The following OTOG variants were observed in gnomAD, a reference collection of about 807,000 sequenced individuals.
OTOG encodes otogelin.
A neutral mutation model predicts 313.8 loss-of-function variants in OTOG; 296 were observed. The ratio of observed to expected loss-of-function variants is 0.94; its 90% CI spans 0.86 to 1.04. The LOEUF (loss-of-function observed/expected upper bound fraction) is 1.04, where lower values mean the gene tolerates loss of function less well. Among genes scored for constraint, OTOG ranks in the 50% least tolerant of loss-of-function variants. The probability of loss-of-function intolerance (pLI) is 0.00; values close to 1 mark genes in which losing one functional copy is unlikely to be tolerated. For synonymous variants in OTOG, 1,533 were observed against 1,554.9 expected (o/e 0.99, Z 0.33); for missense variants, 3,948 against 3,840.1 (o/e 1.03, Z -0.74).
chr11:17,619,871 C>T (rs1853820126), intron 39 of OTOG, among the ~76,000 whole-genome samples: 1 of 152,102 alleles, frequency 6.6e-6, no homozygotes. Context: ...TCTAGATTTG[C>T]ATCTGGTATC....
At chr11:17,595,954 C>T (rs777605654) in intron 28 of OTOG, 84 bp from the exon 29 acceptor site, 23 of 910,662 alleles carry the variant, frequency 2.5e-5, no homozygotes, top group South Asian at 1.3e-4. Flanking sequence ...AGGATCATGG[C>T]GGCCACCCTA....
chr11:17,588,063 C>T lies in OTOG; in HGVS notation c.2867+1482C>T, dbSNP rs142286259. 1.6e-3 allele frequency among the ~76,000 whole-genome samples: 241 copies of T among 152,184 alleles called. 3 individuals carry two copies. The Middle Eastern group carries it at 0.017, about 11-fold the overall frequency. ...GTGGTAAGGAGTCTGGAGCCAAGGC[C>T]GAAGAGCTGGGATTATTTAGGATTT... On this transcript the variant is annotated intron_variant, in intron 24 of 55. Coordinates refer to ENST00000399397, the MANE Select transcript of OTOG (RefSeq NM_001292063.2).
chr11:17,605,740 G>C (rs1853367309), intron 32 of OTOG, 117 bp from the exon 33 acceptor site: 1 of 1,144,166 alleles, frequency 8.7e-7, no homozygotes, highest in African/African-American at 1.6e-5. Context: ...GGGCCTGCTG[G>C]TCTGCAGGCG....
In OTOG at chr11:17,562,044, AAAATAT is replaced by A. The variant is rs1466095549; in HGVS notation, c.1644+239_1644+244del. On this transcript the variant is annotated intron_variant, in intron 15 of 55. Coordinates refer to ENST00000399397, the MANE Select transcript of OTOG (RefSeq NM_001292063.2). ...TTTTAGGATTTTACTACCTAAAAAA[AAAATAT>A]ATATATATATATATATATATATGTA... Among the ~76,000 whole-genome samples, 135 of 125,004 alleles carry A rather than the reference AAAATAT, an allele frequency of 1.1e-3. 1 individual carries two copies. Among genetic ancestry groups the A allele is most frequent in the African/African-American group, 4.5e-3 (123 of 27,284 alleles). The allele number at this position is 125,004 out of a possible 152,430, so 82.0% of individuals were successfully genotyped here. A position where few individuals can be genotyped will look rare whatever the true frequency, so the allele number is the denominator to read the frequency against.
intron 31 of OTOG, 130 bp downstream of exon 31, chr11:17,599,827 C>A (rs1853204586): frequency 2.8e-5 from 30 of 1,086,100 alleles, no homozygotes; most frequent in Middle Eastern, 2.0e-4. Flanking sequence ...ATGGGAGGGC[C>A]CCCATCATGC....
At chr11:17,552,486 G>C (rs1359238046) in intron 4 of OTOG, among the ~76,000 whole-genome samples, 1 of 47,686 alleles carries the variant, frequency 2.1e-5, no homozygotes, top group Admixed American at 1.9e-4. Flanking sequence ...CCTGTCCTAG[G>C]TCTGTGGCCT....
rs1590016287 is a variant in OTOG at position 17,578,397 on chromosome 11, T to G, written c.2630T>G (p.Val877Gly). 1.3e-6 allele frequency: 2 copies of G among 1,531,504 alleles called. No individual in the cohort carries two copies. The highest frequency in any genetic ancestry group is 1.8e-6 in the Non-Finnish European group (2 of 1,141,460). 94.9% of individuals were successfully genotyped at this position (1,531,504 alleles called of 1,614,324 possible). A position where few individuals can be genotyped will look rare whatever the true frequency, so the allele number is the denominator to read the frequency against. The change falls in exon 23 of 56, where the codon GTC becomes GGC. Residue 877 changes from valine (V) to glycine (G), a missense_variant. By Grantham distance (109) the Val-to-Gly change is moderately radical. Coordinates refer to ENST00000399397, the MANE Select transcript of OTOG (RefSeq NM_001292063.2). The stretch of plus-strand genomic sequence containing the variant: ...GCTGCTGCCTGCCCAGCAGGCCAGG[T>G]CTTCGTGAACTGCAGCGACCTGCAC... Reference protein sequence around the residue: ...APAAACPAGQVFVNCSDLHTD... With the variant: ...APAAACPAGQGFVNCSDLHTD...
In OTOG at chr11:17,559,602, C is replaced by T; in HGVS notation, c.1282C>T (p.Pro428Ser). 1.3e-6 allele frequency: 2 copies of T among 1,550,862 alleles called. No individual in the cohort carries two copies. Among genetic ancestry groups the T allele is most frequent in the Non-Finnish European group, 8.7e-7 (1 of 1,147,062 alleles). The change falls in exon 12 of 56, where the codon CCC (proline) becomes TCC (serine). Residue 428 changes from proline (P) to serine (S), a missense_variant. Transcript: ENST00000399397. ...CGCCTGCTGCCCTGCCTCCTGCCAT[C>T]CCCGGGCATCCTGTGTGGACAGTGA... ...CIACCPASCH[P>S]RASCVDSEIA...
In OTOG at chr11:17,553,198, G is replaced by A. The variant is rs774492565; in HGVS notation, c.372G>A (p.Pro124=). 2.6e-5 allele frequency: 40 copies of A among 1,550,352 alleles called. No homozygotes were observed. The highest frequency in any genetic ancestry group is 9.8e-5 in the East Asian group (4 of 40,916). Residue 124 remains proline (P), a synonymous_variant, in exon 5 of 56, where the codon CCG becomes CCA. Coordinates refer to ENST00000399397, the MANE Select transcript of OTOG (RefSeq NM_001292063.2). ...CDCRRFNATG[P]RCQMVYNAGP... is the part of the protein sequence containing the mutation. ...GCAGACGCTTCAATGCCACTGGACC[G>A]CGCTGCCAGATGGGTGGGTCTGGGC...
At chr11:17,552,187 T>A (rs892641014) in intron 4 of OTOG, 112 bp downstream of exon 4, 1 of 1,080,532 alleles carries the variant, frequency 9.3e-7, no homozygotes, top group Non-Finnish European at 1.4e-6. Context: ...GACCCCTTTT[T>A]CCTGCTTGGC....
At position 17,633,837 on chromosome 11, in the gene OTOG, G is replaced by A; in HGVS notation, c.7230G>A (p.Arg2410=). ...CVCSEGTILH[R]RHSALCIPEA... is the part of the protein sequence containing the mutation. ...GCTCCGAGGGCACCATCTTACACCGGCGCCACTCTGCACTCTGCATCCCGG... is the reference window on the plus strand; with the variant it reads ...GCTCCGAGGGCACCATCTTACACCGACGCCACTCTGCACTCTGCATCCCGG... The change falls in exon 43 of 56, where the codon CGG becomes CGA. Residue 2410 remains arginine (R), a synonymous_variant. Coordinates refer to ENST00000399397, the MANE Select transcript of OTOG (RefSeq NM_001292063.2). The A allele has an allele frequency of 6.5e-7, 1 of 1,548,824 alleles. No homozygotes were observed. Among genetic ancestry groups the A allele is most frequent in the Non-Finnish European group, 8.7e-7 (1 of 1,146,444 alleles).
chr11:17,643,468 G>T lies in OTOG; in HGVS notation c.8423G>T (p.Gly2808Val). ...CCGACTTCCTCTCTCTAGGTTGGGG[G>T]TTCCGTGGTACCTTCCTTGGAAGGA... is the stretch of plus-strand genomic sequence containing the variant. ...LNETECAKVG[G>V]SVVPSLEGCC... is the part of the protein sequence containing the mutation. The change falls in exon 54 of 56, where the codon GGT (glycine) becomes GTT (valine). Residue 2808 changes from glycine (G) to valine (V), a missense_variant. Physicochemically the swap from Gly to Val is moderately radical, Grantham distance 109. Transcript: ENST00000399397. 6.9e-7 allele frequency: 1 copy of T among 1,459,648 alleles called. No individual in the cohort carries two copies. Among genetic ancestry groups the T allele is most frequent in the South Asian group, 1.4e-5 (1 of 69,762 alleles). The allele number at this position is 1,459,648 out of a possible 1,614,324, so 90.4% of individuals were successfully genotyped here. A position where few individuals can be genotyped will look rare whatever the true frequency, so the allele number is the denominator to read the frequency against.
intron 6 of OTOG, 115 bp from the exon 7 acceptor site, chr11:17,555,664 G>A (rs1852040302): frequency 2.6e-6 from 2 of 757,138 alleles, no homozygotes; most frequent in Non-Finnish European, 4.4e-6. Context: ...CAGAGGAAAG[G>A]CAGTTGGTAT....
chr11:17,645,527 T>G (rs1385507490), intron 54 of OTOG, 37 bp from the exon 55 acceptor site: 2 of 1,544,492 alleles, frequency 1.3e-6, no homozygotes, highest in African/African-American at 2.7e-5. Context: ...AGAAGCCTGG[T>G]CTTGGCCACA....
At chr11:17,584,493 A>T (rs1033218266) in intron 23 of OTOG, among the ~76,000 whole-genome samples, 5 of 151,288 alleles carry the variant, frequency 3.3e-5, no homozygotes, top group Non-Finnish European at 7.4e-5. Context: ...TATGCTGCAA[A>T]TTTTTTTATA....
chr11:17,553,291 G>T, intron 5 of OTOG, 74 bp from the exon 6 acceptor site: 1 of 1,514,860 alleles, frequency 6.6e-7, no homozygotes, highest in Non-Finnish European at 8.9e-7. Flanking sequence ...AGCACTTCCA[G>T]GGCTGGAACC....
At chr11:17,566,125 G>C (rs536230087) in intron 15 of OTOG, among the ~76,000 whole-genome samples, 5 of 152,196 alleles carry the variant, frequency 3.3e-5, no homozygotes, top group Admixed American at 6.5e-5. Flanking sequence ...TATTATCTGT[G>C]TTCCAGCACC....
Position 17,638,747 on chromosome 11 carries a change from A to G in OTOG, c.7894+198A>G, listed in dbSNP as rs1171954100. 3.2e-6 allele frequency: 5 copies of G among 1,543,332 alleles called. No homozygotes were observed. The Admixed American group carries it at 7.9e-5, about 24-fold the overall frequency. On this transcript the variant is annotated intron_variant, in intron 48 of 55. Transcript: ENST00000399397. Reference sequence around the variant, plus strand: ...AGCATTCCTACAGCCTTTTCTCTCTAGGATAAAAGAAGGAAAAAGCAAGTT... The same window carrying G: ...AGCATTCCTACAGCCTTTTCTCTCTGGGATAAAAGAAGGAAAAAGCAAGTT...
intron 38 of OTOG, 42 bp downstream of exon 38, chr11:17,612,807 G>A (rs768439552): frequency 2.2e-5 from 34 of 1,540,362 alleles, no homozygotes; most frequent in Non-Finnish European, 2.9e-5. Flanking sequence ...GACTAGGAAT[G>A]GGACTAGGAT....
Sources: allele counts gnomAD v4.1 joint callset (sites outside exome capture counted in the v4.1 genomes callset), GRCh38; gene constraint gnomAD v4.1.1; transcripts MANE v1.5; gene names NCBI Gene and HGNC (gene_info 2026-07-23, HGNC 2026-07-21).